ZNF292: variants seen among roughly 807,000 people sequenced by gnomAD.
ZNF292 encodes zinc finger protein 292.
ZNF292 carries 26 observed loss-of-function variants against 217.9 expected under a neutral mutation model. That is an observed-to-expected ratio of 0.12 (90% CI 0.09 to 0.17). ZNF292 has a LOEUF of 0.17. Ranked by LOEUF, ZNF292 falls within the 10% of genes least tolerant of loss-of-function variation. ZNF292 has a pLI of 1.00. For missense variants in ZNF292, 2,904 were observed against 3,175.2 expected, an observed-to-expected ratio of 0.91 and a Z score of 2.05; for synonymous variants, 1,257 against 1,124.1, an observed-to-expected ratio of 1.12 and a Z score of -2.37.
intron 3 of ZNF292, 100 bp from the exon 4 acceptor site, chr6:87,218,496 A>G (rs1419117882): frequency 5.3e-6 from 5 of 950,728 alleles, no homozygotes; most frequent in East Asian, 2.9e-5. Flanking sequence ...AATTTTTAAG[A>G]TGAAAGTCTT....
intron 1 of ZNF292, chr6:87,169,978 A>G (rs764781646): frequency 1.3e-5 from 2 of 155,300 alleles, no homozygotes; most frequent in Non-Finnish European, 2.9e-5. Context: ...AATAGTTTAC[A>G]TTTTGCATTT....
In ZNF292 at chr6:87,261,757, A is replaced by G; in HGVS notation, c.8128A>G (p.Lys2710Glu). The G allele has an allele frequency of 1.2e-6, 2 of 1,612,896 alleles. No homozygotes were observed. The highest frequency in any genetic ancestry group is 1.7e-6 in the Non-Finnish European group (2 of 1,179,188). ...HSNDPDMSVM[K>E]DISIGKATGR... ...AAATGATCCAGATATGTCTGTTATG[A>G]AAGATATCAGTATAGGTAAAGCCAC... The change falls in exon 8 of 8, where the codon AAA (lysine) becomes GAA (glutamate). Residue 2710 changes from lysine (K) to glutamate (E), a missense_variant. Lys to Glu is a moderately conservative substitution (Grantham distance 56, BLOSUM62 1). Around this residue, in one of 15 missense-constraint regions of ZNF292, gnomAD observed 380 missense variants for 355.3 expected, o/e 1.07. Transcript: ENST00000369577.
chr6:87,208,562 T>C (rs754412423), intron 1 of ZNF292, among the ~76,000 whole-genome samples: 1 of 151,574 alleles, frequency 6.6e-6, no homozygotes, highest in Non-Finnish European at 1.5e-5. Context: ...GAAATTTTAC[T>C]TTCTTCCTGC....
intron 1 of ZNF292, among the ~76,000 whole-genome samples, chr6:87,168,655 A>T (rs894844228): frequency 1.3e-5 from 2 of 152,042 alleles, no homozygotes; most frequent in Admixed American, 1.3e-4. Flanking sequence ...TTTTTAGTGG[A>T]GACGGAGTTT....
intron 5 of ZNF292, among the ~76,000 whole-genome samples, chr6:87,242,684 T>C (rs946783938): frequency 6.6e-6 from 1 of 152,230 alleles, no homozygotes; most frequent in African/African-American, 2.4e-5. Flanking sequence ...GATTGTATGC[T>C]GTTTGTCAGA....
At chr6:87,161,498 C>G (rs1770753732) in intron 1 of ZNF292, among the ~76,000 whole-genome samples, 1 of 152,256 alleles carries the variant, frequency 6.6e-6, no homozygotes, top group Non-Finnish European at 1.5e-5. Flanking sequence ...TCACGGCTCA[C>G]TGCATCCTTG....
In ZNF292 at chr6:87,256,372, G is replaced by C. The variant is rs1014993356; in HGVS notation, c.2743G>C (p.Gly915Arg). The C allele has an allele frequency of 3.1e-6, 5 of 1,609,978 alleles. No homozygotes were observed. Among genetic ancestry groups the C allele is most frequent in the Non-Finnish European group, 4.2e-6 (5 of 1,179,814 alleles). ...TGCCTCTGAGCTCAGGCAAGCTAAT[G>C]GACCATTGTCAAATGGTTTGGAAAA... ...ISASELRQAN[G>R]PLSNGLENPA... The change falls in exon 8 of 8, where the codon GGA becomes CGA. Residue 915 changes from glycine (G) to arginine (R), a missense_variant. By Grantham distance (125) the Gly-to-Arg change is moderately radical. Coordinates refer to ENST00000369577, the MANE Select transcript of ZNF292 (RefSeq NM_015021.3).
At chr6:87,167,591 A>G (rs1770957670) in intron 1 of ZNF292, among the ~76,000 whole-genome samples, 1 of 152,266 alleles carries the variant, frequency 6.6e-6, no homozygotes, top group African/African-American at 2.4e-5. Context: ...CGGTGAGCCA[A>G]GATCGTGCCA....
chr6:87,160,751 C>G (rs1770719495), intron 1 of ZNF292, among the ~76,000 whole-genome samples: 2 of 151,494 alleles, frequency 1.3e-5, no homozygotes, highest in African/African-American at 4.9e-5. Context: ...TAGTACTTTC[C>G]CTACCTCCAG....
At chr6:87,195,506 A>C (rs1156270980) in intron 1 of ZNF292, among the ~76,000 whole-genome samples, 1 of 152,152 alleles carries the variant, frequency 6.6e-6, no homozygotes, top group African/African-American at 2.4e-5. Context: ...TGCGTGGTGC[A>C]CCTTGAGGTG....
chr6:87,191,183 T>C (rs1236556891), intron 1 of ZNF292, among the ~76,000 whole-genome samples: 3 of 152,180 alleles, frequency 2.0e-5, no homozygotes, highest in South Asian at 2.1e-4. Flanking sequence ...CTATAATGTG[T>C]TAAACCAGAA....
rs377066214 is a variant in ZNF292, at chr6:87,259,244, C to T, written c.5615C>T (p.Thr1872Met). Residue 1872 changes from threonine (T) to methionine (M), a missense_variant, in exon 8 of 8, where the codon ACG becomes ATG. Thr to Met is a moderately conservative substitution (Grantham distance 81, BLOSUM62 -1). Transcript: ENST00000369577. The stretch of plus-strand genomic sequence containing the variant: ...AATACATCAGTGACACTGACTCCCA[C>T]GCCTGTTAAATCAACTGCAGATATC... Reference protein sequence around the residue: ...LINTSVTLTPTPVKSTADITV... With the variant: ...LINTSVTLTPMPVKSTADITV... 47 of 1,613,576 alleles carry T rather than the reference C, an allele frequency of 2.9e-5. 1 individual carries two copies. Among genetic ancestry groups the T allele is most frequent in the South Asian group, 1.2e-4 (11 of 91,082 alleles).
At chr6:87,241,982 C>G (rs1021561342) in intron 5 of ZNF292, among the ~76,000 whole-genome samples, 3 of 152,020 alleles carry the variant, frequency 2.0e-5, no homozygotes, top group African/African-American at 7.3e-5. Context: ...TTAGGATGGG[C>G]GTGTTGGGAT....
At chr6:87,231,028 A>C (rs2127821535) in intron 4 of ZNF292, among the ~76,000 whole-genome samples, 1 of 152,334 alleles carries the variant, frequency 6.6e-6, no homozygotes, top group South Asian at 2.1e-4. Context: ...ACTCAAAGAT[A>C]AGTCTGAGAA....
Position 87,259,787 on chromosome 6 carries a change from C to G in ZNF292, c.6158C>G (p.Thr2053Arg). 6.2e-7 allele frequency: 1 copy of G among 1,605,560 alleles called. No individual in the cohort carries two copies. Among genetic ancestry groups the G allele is most frequent in the Non-Finnish European group, 8.5e-7 (1 of 1,175,862 alleles). The change falls in exon 8 of 8, where the codon ACA becomes AGA. Residue 2053 changes from threonine (T) to arginine (R), a missense_variant. Transcript: ENST00000369577. ...GTAGAAAAAAAAAGTCCTGACAAAACAGAAAGTTCTTTACAAGTGATTACA... is the reference window on the plus strand; with the variant it reads ...GTAGAAAAAAAAAGTCCTGACAAAAGAGAAAGTTCTTTACAAGTGATTACA... ...QLVEKKSPDK[T>R]ESSLQVITVT...
At chr6:87,170,906 A>G (rs780118976) in intron 1 of ZNF292, among the ~76,000 whole-genome samples, 2 of 152,202 alleles carry the variant, frequency 1.3e-5, no homozygotes, top group Admixed American at 6.5e-5. Context: ...GATGAAAGCC[A>G]TAATTATTTT....
rs745957512 is a variant in ZNF292 at position 87,260,368 on chromosome 6, G to A, written c.6739G>A (p.Ala2247Thr). Residue 2247 changes from alanine (A) to threonine (T), a missense_variant, in exon 8 of 8, where the codon GCA becomes ACA. Coordinates refer to ENST00000369577, the MANE Select transcript of ZNF292 (RefSeq NM_015021.3). ...LEADHGIGLR[A>T]SKTEEDGVYK... ...GGCAGACCACGGGATTGGACTAAGG[G>A]CAAGTAAAACAGAAGAAGATGGTGT... is the stretch of plus-strand genomic sequence containing the variant. 11 of 1,613,480 alleles carry A rather than the reference G, an allele frequency of 6.8e-6. No individual in the cohort carries two copies. Among genetic ancestry groups the A allele is most frequent in the Non-Finnish European group, 9.3e-6 (11 of 1,179,606 alleles).
intron 1 of ZNF292, among the ~76,000 whole-genome samples, chr6:87,189,484 G>T (rs1771766141): frequency 6.6e-6 from 1 of 151,418 alleles, no homozygotes; most frequent in Non-Finnish European, 1.5e-5. Flanking sequence ...TCCCATCTAG[G>T]ATACACATTA....
intron 4 of ZNF292, among the ~76,000 whole-genome samples, chr6:87,224,602 T>A (rs900419027): frequency 1.3e-5 from 2 of 152,220 alleles, no homozygotes; most frequent in Non-Finnish European, 2.9e-5. Flanking sequence ...CACATAGCAT[T>A]GTATATTTAA....
Sources: allele counts gnomAD v4.1 joint callset (sites outside exome capture counted in the v4.1 genomes callset), GRCh38; gene constraint gnomAD v4.1.1; regional missense constraint gnomAD v4.1.1; transcripts MANE v1.5; gene names NCBI Gene and HGNC (gene_info 2026-07-23, HGNC 2026-07-21).